ZFHX3: variants seen among roughly 807,000 people sequenced by gnomAD.
ZFHX3 encodes zinc finger homeobox protein 3.
ZFHX3 carries 42 observed loss-of-function variants against 279.1 expected under a neutral mutation model. The ratio of observed to expected loss-of-function variants is 0.15; its 90% CI spans 0.12 to 0.19. The LOEUF (loss-of-function observed/expected upper bound fraction) is 0.19, where lower values mean the gene tolerates loss of function less well. Among genes scored for constraint, ZFHX3 ranks in the 10% least tolerant of loss-of-function variants. The pLI, the probability that ZFHX3 is intolerant of heterozygous loss-of-function variation, is 1.00. For missense variants in ZFHX3, 4,981 were observed against 4,754.0 expected (o/e 1.05, Z -1.40); for synonymous variants, 2,293 against 1,957.8 (o/e 1.17, Z -4.52).
At chr16:73,359,870 G>A (rs1380014490) in intron 3 of ZFHX3, among the ~76,000 whole-genome samples, 1 of 151,916 alleles carries the variant, frequency 6.6e-6, no homozygotes, top group Non-Finnish European at 1.5e-5. Flanking sequence ...GTGTGGATGG[G>A]TATTGATCAT....
chr16:73,505,501 G>A (rs781769544), intron 2 of ZFHX3, among the ~76,000 whole-genome samples: 4 of 151,448 alleles, frequency 2.6e-5, no homozygotes, highest in African/African-American at 7.3e-5. Context: ...AAACCTGTCC[G>A]TTAACTACTT....
chr16:72,951,618 T>G (rs937537370), intron 2 of ZFHX3, among the ~76,000 whole-genome samples: 1 of 152,178 alleles, frequency 6.6e-6, no homozygotes, highest in Non-Finnish European at 1.5e-5. Context: ...GACAGAAATA[T>G]GTATCATTCA....
At chr16:73,417,493 A>C (rs1340571317) in intron 3 of ZFHX3, among the ~76,000 whole-genome samples, 1 of 142,484 alleles carries the variant, frequency 7.0e-6, no homozygotes, top group East Asian at 2.1e-4. Context: ...CAGCCTCCTG[A>C]GTACCTAGGA....
intron 3 of ZFHX3, among the ~76,000 whole-genome samples, chr16:72,907,548 TG>T (rs2039210067): frequency 5.1e-4 from 9 of 17,684 alleles, no homozygotes; most frequent in African/African-American, 1.2e-3. Flanking sequence ...CCTCTATTTG[TG>T]TGTGTGTGTG....
chr16:73,532,308 C>A (rs2019819735), intron 2 of ZFHX3, among the ~76,000 whole-genome samples: 1 of 152,162 alleles, frequency 6.6e-6, no homozygotes, highest in African/African-American at 2.4e-5. Flanking sequence ...TATGGGGAGA[C>A]CCTTTTCGTT....
At chr16:72,972,402 T>G (rs2144513040) in intron 1 of ZFHX3, among the ~76,000 whole-genome samples, 1 of 152,048 alleles carries the variant, frequency 6.6e-6, no homozygotes, top group Middle Eastern at 3.4e-3. Context: ...ATCCAAAGAG[T>G]GGACTCTGTC....
intron 5 of ZFHX3, among the ~76,000 whole-genome samples, chr16:73,198,447 T>C (rs1437526898): frequency 1.3e-5 from 2 of 152,090 alleles, no homozygotes; most frequent in African/African-American, 2.4e-5. Flanking sequence ...GGTATAATTC[T>C]GATTAATAGT....
intron 4 of ZFHX3, among the ~76,000 whole-genome samples, chr16:73,289,116 G>T (rs1488492514): frequency 1.3e-5 from 2 of 151,374 alleles, no homozygotes; most frequent in African/African-American, 4.9e-5. Context: ...CTGAAGAGGG[G>T]CTCCTCTCCT....
chr16:72,842,527 G>A (rs1312206220), intron 4 of ZFHX3, among the ~76,000 whole-genome samples: 1 of 152,214 alleles, frequency 6.6e-6, no homozygotes, highest in East Asian at 1.9e-4. Flanking sequence ...GTGTGAAGAT[G>A]AACTAATCAA....
intron 2 of ZFHX3, among the ~76,000 whole-genome samples, chr16:73,522,601 G>A (rs2019626092): frequency 6.6e-6 from 1 of 152,134 alleles, no homozygotes; most frequent in African/African-American, 2.4e-5. Context: ...CCCAGAGCAG[G>A]AAACCGGGCA....
intron 1 of ZFHX3, among the ~76,000 whole-genome samples, chr16:73,759,225 T>C (rs993616395): frequency 1.3e-5 from 2 of 152,222 alleles, no homozygotes; most frequent in African/African-American, 4.8e-5. Flanking sequence ...TCCTTCTCTC[T>C]TGATGCTTTG....
At chr16:73,720,614 TA>T (rs1400759646) in intron 1 of ZFHX3, among the ~76,000 whole-genome samples, 1 of 152,202 alleles carries the variant, frequency 6.6e-6, no homozygotes. Context: ...GTGATGTCCA[TA>T]AGACTCTATG....
chr16:73,561,943 T>C (rs1322045196), intron 2 of ZFHX3, among the ~76,000 whole-genome samples: 2 of 152,206 alleles, frequency 1.3e-5, no homozygotes, highest in Non-Finnish European at 2.9e-5. Flanking sequence ...AAAACCTGAA[T>C]GCACCTAGGT....
intron 1 of ZFHX3, among the ~76,000 whole-genome samples, chr16:73,709,903 C>T (rs1021029713): frequency 6.6e-6 from 1 of 152,078 alleles, no homozygotes; most frequent in African/African-American, 2.4e-5. Flanking sequence ...AGGTTTTGGC[C>T]GGGCGTGGTG....
chr16:73,886,639 C>A (rs1393502261), intron 1 of ZFHX3, among the ~76,000 whole-genome samples: 2 of 152,180 alleles, frequency 1.3e-5, no homozygotes, highest in East Asian at 3.9e-4. Context: ...GTGAGCGACA[C>A]TGACCATTAA....
At chr16:73,205,653 C>T (rs141698412) in intron 5 of ZFHX3, among the ~76,000 whole-genome samples, 56 of 151,922 alleles carry the variant, frequency 3.7e-4, no homozygotes, top group Non-Finnish European at 6.8e-4. Context: ...TGTGTGTGTG[C>T]GTGAATGAAG....
At chr16:73,571,752 CG>C (rs2051738793) in intron 2 of ZFHX3, among the ~76,000 whole-genome samples, 1 of 152,060 alleles carries the variant, frequency 6.6e-6, no homozygotes, top group Non-Finnish European at 1.5e-5. Flanking sequence ...AACACTAAGT[CG>C]AAATTCATGA....
At chr16:73,834,537 G>A (rs191588062) in intron 1 of ZFHX3, among the ~76,000 whole-genome samples, 24 of 152,338 alleles carry the variant, frequency 1.6e-4, no homozygotes, top group Admixed American at 8.5e-4. Flanking sequence ...TGCCATGTCA[G>A]AGTTAGGCCA....
intron 5 of ZFHX3, among the ~76,000 whole-genome samples, chr16:73,161,150 AT>A (rs960657791): frequency 4.0e-5 from 6 of 151,824 alleles, no homozygotes; most frequent in Admixed American, 2.0e-4. Context: ...TCTTTTAAAC[AT>A]TTTTTTGTAG....
Sources: allele counts gnomAD v4.1 joint callset (sites outside exome capture counted in the v4.1 genomes callset), GRCh38; gene constraint gnomAD v4.1.1; transcripts MANE v1.5; gene names NCBI Gene and HGNC (gene_info 2026-07-23, HGNC 2026-07-21).